RAD17: variants seen among roughly 807,000 people sequenced by gnomAD.
The protein encoded by RAD17 is RAD17 checkpoint clamp loader component.
RAD17 carries 31 observed loss-of-function variants against 81.5 expected under a neutral mutation model. The observed-to-expected ratio is 0.38, with a 90% CI of 0.29 to 0.51. RAD17 has a LOEUF of 0.51. Ranked by LOEUF, RAD17 falls within the 20% of genes least tolerant of loss-of-function variation. RAD17 has a pLI of 0.88. For missense variants in RAD17, 681 were observed against 781.2 expected, an observed-to-expected ratio of 0.87 and a Z score of 1.53; for synonymous variants, 261 against 266.2, an observed-to-expected ratio of 0.98 and a Z score of 0.19.
At position 69,414,020 on chromosome 5, in the gene RAD17, G is replaced by A. The variant is rs778696620; in HGVS notation, c.1752-11G>A. On this transcript the variant is annotated splice_polypyrimidine_tract_variant and intron_variant, in intron 18 of 18. Transcript: ENST00000354868. ...TGGTTCTTATTAATGCCTGCACTGTGAATCTGACAGATTGAAAATGGAAGC... is the reference window on the plus strand; with the variant it reads ...TGGTTCTTATTAATGCCTGCACTGTAAATCTGACAGATTGAAAATGGAAGC... 3.1e-6 allele frequency: 5 copies of A among 1,613,784 alleles called. No homozygotes were observed. Among genetic ancestry groups the A allele is most frequent in the Non-Finnish European group, 4.2e-6 (5 of 1,179,820 alleles).
At position 69,407,958 on chromosome 5, in the gene RAD17, T is replaced by C. The variant is rs867400151; in HGVS notation, c.1694-2535T>C. ...TTTTGACTGCAGAATTTTCATTTGG[T>C]TCTTTTTATAATTTTTGTCTTTTTG... On this transcript the variant is annotated intron_variant, in intron 17 of 18. Transcript: ENST00000354868. Among the ~76,000 whole-genome samples, 21 of 152,228 alleles carry C rather than the reference T, an allele frequency of 1.4e-4. 1 individual carries two copies. Among genetic ancestry groups the C allele is most frequent in the Non-Finnish European group, 2.6e-4 (18 of 68,044 alleles).
Position 69,371,512 on chromosome 5 carries a change from T to G in RAD17, c.-221T>G, listed in dbSNP as rs745456525. 1.4e-6 allele frequency: 2 copies of G among 1,434,012 alleles called. No homozygotes were observed. The highest frequency in any genetic ancestry group is 2.9e-5 in the African/African-American group (2 of 68,868). The allele number at this position is 1,434,012 out of a possible 1,614,324, so 88.8% of individuals were successfully genotyped here. ...ACTACGGATGGGAACTATTACAGTT[T>G]ATAATGTCAAAAACTTTTCTTAGAC... On this transcript the variant is annotated 5_prime_UTR_variant, in exon 3 of 19. Coordinates refer to ENST00000354868, the MANE Select transcript of RAD17 (RefSeq NM_133338.3).
At chr5:69,373,191 CT>C (rs1211736658) in intron 4 of RAD17, among the ~76,000 whole-genome samples, 1 of 151,918 alleles carries the variant, frequency 6.6e-6, no homozygotes, top group South Asian at 2.1e-4. Context: ...TTTTGTTTTG[CT>C]TTTTTTAATA....
intron 11 of RAD17, 84 bp downstream of exon 11, chr5:69,386,549 T>C (rs1349628077): frequency 5.4e-6 from 7 of 1,308,244 alleles, no homozygotes; most frequent in Admixed American, 3.2e-5. Context: ...AGGAGTGTTA[T>C]TTTAATTTTT....
In RAD17 at chr5:69,414,582, T is replaced by A. The variant is rs763169559; in HGVS notation, c.*290T>A. 9.1e-6 allele frequency: 4 copies of A among 438,822 alleles called. No homozygotes were observed. The highest frequency in any genetic ancestry group is 1.2e-5 in the Non-Finnish European group (3 of 246,312). 27.2% of individuals were successfully genotyped at this position (438,822 alleles called of 1,614,324 possible). On this transcript the variant is annotated 3_prime_UTR_variant, in exon 19 of 19. Coordinates refer to ENST00000354868, the MANE Select transcript of RAD17 (RefSeq NM_133338.3). ...GAACATTATGCCAAATATCAAGATGTGAAGGACTAATTCAGGATGCAAAAA... is the reference window on the plus strand; with the variant it reads ...GAACATTATGCCAAATATCAAGATGAGAAGGACTAATTCAGGATGCAAAAA...
At chr5:69,398,269 A>G (rs1483083268) in intron 16 of RAD17, among the ~76,000 whole-genome samples, 1 of 152,212 alleles carries the variant, frequency 6.6e-6, no homozygotes, top group Admixed American at 6.5e-5. Context: ...TTGTATACCT[A>G]TAAATACATA....
rs17236317 is a variant in RAD17 at position 69,385,869 on chromosome 5, C to A, written c.646-174C>A. ...AGAAATTTGATCTAAAAATTGGGAT[C>A]CCCATTGATGTATATTACTGTTTCG... On this transcript the variant is annotated intron_variant, in intron 8 of 18. Transcript: ENST00000354868. 2.9e-3 allele frequency among the ~76,000 whole-genome samples: 434 copies of A among 152,228 alleles called. 2 individuals are homozygous for A. The highest frequency in any genetic ancestry group is 1.0e-2 in the African/African-American group (414 of 41,550).
At chr5:69,386,748 A>G (rs1012304416) in intron 11 of RAD17, among the ~76,000 whole-genome samples, 2 of 152,118 alleles carry the variant, frequency 1.3e-5, no homozygotes, top group Admixed American at 1.3e-4. Flanking sequence ...TCTGGCATGT[A>G]GGTATGGTAG....
intron 6 of RAD17, among the ~76,000 whole-genome samples, chr5:69,378,093 C>T (rs1763627683): frequency 6.6e-6 from 1 of 152,128 alleles, no homozygotes; most frequent in South Asian, 2.1e-4. Context: ...CCACACCATG[C>T]CTGGCCCAAA....
chr5:69,374,844 A>T, intron 6 of RAD17, 133 bp downstream of exon 6: 1 of 728,312 alleles, frequency 1.4e-6, no homozygotes, highest in Non-Finnish European at 2.2e-6. Context: ...AAAGCTCCCT[A>T]GTGGGGCATG....
At chr5:69,369,342 G>A (rs1762736984), upstream of RAD17, 1 of 1,086,084 alleles carries the variant, frequency 9.2e-7, no homozygotes, top group Non-Finnish European at 1.2e-6. Flanking sequence ...CAACCGCCTC[G>A]TGGCCCTCGG....
intron 17 of RAD17, among the ~76,000 whole-genome samples, chr5:69,406,453 A>C (rs772108285): frequency 2.0e-5 from 3 of 152,096 alleles, no homozygotes; most frequent in Non-Finnish European, 4.4e-5. Flanking sequence ...CAAGAATTCT[A>C]TTTTACAACA....
In RAD17 at chr5:69,414,256, C is replaced by T. The variant is rs1234053826; in HGVS notation, c.1977C>T (p.Asn659=). 1.1e-5 allele frequency: 17 copies of T among 1,614,060 alleles called. No homozygotes were observed. Among genetic ancestry groups the T allele is most frequent in the Non-Finnish European group, 1.3e-5 (15 of 1,179,920 alleles). The change falls in exon 19 of 19, where the codon AAC becomes AAT. Residue 659 remains asparagine, a synonymous_variant. Transcript: ENST00000354868. ...CAGCCCAAGGAGACATGGAAGAAAACATAATAATAGAAGACTACGAGAGTG... is the reference window on the plus strand; with the variant it reads ...CAGCCCAAGGAGACATGGAAGAAAATATAATAATAGAAGACTACGAGAGTG... The part of the protein sequence containing the change: ...PFSAQGDMEE[N]IIIEDYESDG...
chr5:69,373,950 A>G lies in RAD17; in HGVS notation c.130A>G (p.Thr44Ala). 6.2e-7 allele frequency: 1 copy of G among 1,613,594 alleles called. No individual in the cohort carries two copies. The highest frequency in any genetic ancestry group is 2.2e-5 in the East Asian group (1 of 44,820). The stretch of plus-strand genomic sequence containing the variant: ...TCATAGAAGAAAAAATGGGCCTTCT[A>G]CATTAGAAAGCAGCAGATTTCCAGC... ...SSHRRKNGPSTLESSRFPARK... is the reference protein window; with the variant it reads ...SSHRRKNGPSALESSRFPARK... The change falls in exon 5 of 19, where the codon ACA becomes GCA. Residue 44 changes from threonine to alanine, a missense_variant. Physicochemically the swap from Thr to Ala is moderately conservative, Grantham distance 58. Transcript: ENST00000354868.
chr5:69,373,709 T>TAGTTTTAAAGGTTATAAATATATGAATA, intron 4 of RAD17, 121 bp from the exon 5 acceptor site: 2 of 536,246 alleles, frequency 3.7e-6, no homozygotes, highest in South Asian at 7.5e-5. Context: ...TTTTTTTTTT[T>TAGTTTTAAAGGTTATAAATATATGAATA]TTTTTTTAAG....
intron 4 of RAD17, 119 bp from the exon 5 acceptor site, chr5:69,373,711 T>TGTTTTAAAGGTTATAAA: frequency 2.3e-6 from 1 of 435,610 alleles, no homozygotes; most frequent in Non-Finnish European, 3.4e-6. Context: ...TTTTTTTTTT[T>TGTTTTAAAGGTTATAAA]TTTTTAAGTT....
At chr5:69,412,919 G>C (rs1766099113) in intron 18 of RAD17, among the ~76,000 whole-genome samples, 1 of 151,590 alleles carries the variant, frequency 6.6e-6, no homozygotes, top group Non-Finnish European at 1.5e-5. Context: ...AACCTGAAGT[G>C]GAGGTTGCAG....
At position 69,407,644 on chromosome 5, in the gene RAD17, T is replaced by G. The variant is rs1051334079; in HGVS notation, c.1694-2849T>G. 3.9e-5 allele frequency among the ~76,000 whole-genome samples: 5 copies of G among 127,576 alleles called. No individual in the cohort carries two copies. The Admixed American group carries it at 4.7e-4, about 12-fold the overall frequency. 83.7% of individuals were successfully genotyped at this position (127,576 alleles called of 152,430 possible). On this transcript the variant is annotated intron_variant, in intron 17 of 18. Transcript: ENST00000354868. The stretch of plus-strand genomic sequence containing the variant: ...CAGGCTGGAGTGCGGTAGCACCATC[T>G]CAGCTCACTGCAATCTCCACCTCCT...
At chr5:69,375,207 T>C (rs1225359256) in intron 6 of RAD17, among the ~76,000 whole-genome samples, 1 of 152,230 alleles carries the variant, frequency 6.6e-6, no homozygotes, top group Non-Finnish European at 1.5e-5. Flanking sequence ...CTTTGAGTTT[T>C]CCCCTTTATT....
Sources: gnomAD v4.1 joint callset for allele counts (sites outside exome capture counted in the v4.1 genomes callset) on GRCh38, gnomAD v4.1.1 for gene constraint, MANE v1.5 for transcripts, NCBI Gene and HGNC (gene_info 2026-07-23, HGNC 2026-07-21) for gene names.